The following WDFY2 variants were observed in gnomAD, a reference collection of about 807,000 sequenced individuals.
WDFY2 encodes the protein WD repeat and FYVE domain-containing protein 2.
In WDFY2, 36 loss-of-function variants were observed where a neutral mutation model predicts 56.4. The ratio of observed to expected loss-of-function variants is 0.64; its 90% confidence interval spans 0.49 to 0.84. WDFY2 has a LOEUF of 0.84. Ranked by LOEUF, WDFY2 falls within the 40% of genes least tolerant of loss-of-function variation. The pLI is 0.00. For missense variants in WDFY2, 444 were observed against 512.2 expected (o/e 0.87, Z 1.29); for synonymous variants, 176 against 183.7 (o/e 0.96, Z 0.34).
chr13:51,683,032 A>G (rs534396570), intron 3 of WDFY2, among the ~76,000 whole-genome samples: 1 of 152,242 alleles, frequency 6.6e-6, no homozygotes, highest in Admixed American at 6.5e-5. Flanking sequence ...TTTCTTATCC[A>G]AGTTGTTGCC....
intron 7 of WDFY2, among the ~76,000 whole-genome samples, chr13:51,746,005 C>T (rs1396530506): frequency 9.6e-4 from 113 of 117,252 alleles, no homozygotes; most frequent in Admixed American, 6.9e-4. Context: ...GAGACAGAGT[C>T]TCGCTGTGTC....
chr13:51,744,218 A>C (rs575565454), intron 7 of WDFY2, among the ~76,000 whole-genome samples: 34 of 152,354 alleles, frequency 2.2e-4, no homozygotes, highest in African/African-American at 8.2e-4. Context: ...AAGCATAATT[A>C]ATTAGATGCC....
chr13:51,720,003 A>G (rs1397581115), intron 5 of WDFY2, among the ~76,000 whole-genome samples: 1 of 152,190 alleles, frequency 6.6e-6, no homozygotes, highest in Non-Finnish European at 1.5e-5. Context: ...CAAGCACAGT[A>G]TTGACTAGTG....
intron 6 of WDFY2, among the ~76,000 whole-genome samples, chr13:51,732,184 G>A (rs1328881829): frequency 6.6e-6 from 1 of 152,094 alleles, no homozygotes; most frequent in African/African-American, 2.4e-5. Flanking sequence ...AGGCTGGAGT[G>A]CAGTGGCATG....
chr13:51,654,223 C>T (rs796997671), intron 1 of WDFY2, among the ~76,000 whole-genome samples: 1 of 152,234 alleles, frequency 6.6e-6, no homozygotes, highest in Non-Finnish European at 1.5e-5. Context: ...ATACAATCTC[C>T]TAGTGTGCCG....
At chr13:51,648,956 A>G (rs1955313769) in intron 1 of WDFY2, among the ~76,000 whole-genome samples, 1 of 152,090 alleles carries the variant, frequency 6.6e-6, no homozygotes, top group South Asian at 2.1e-4. Flanking sequence ...AGACCAGCCA[A>G]GCCAATATGG....
intron 1 of WDFY2, among the ~76,000 whole-genome samples, chr13:51,658,423 C>G (rs929663559): frequency 1.3e-5 from 2 of 152,202 alleles, no homozygotes; most frequent in African/African-American, 4.8e-5. Flanking sequence ...AAACACACCC[C>G]CTACAAACTG....
chr13:51,749,641 T>C (rs1355874986), intron 7 of WDFY2, among the ~76,000 whole-genome samples: 1 of 152,106 alleles, frequency 6.6e-6, no homozygotes, highest in Non-Finnish European at 1.5e-5. Flanking sequence ...AACTCCTGTA[T>C]TGACACAACT....
At chr13:51,612,605 A>G (rs997815202) in intron 1 of WDFY2, among the ~76,000 whole-genome samples, 2 of 152,242 alleles carry the variant, frequency 1.3e-5, no homozygotes, top group African/African-American at 4.8e-5. Context: ...GATATAGTCC[A>G]TTTGTAAAAG....
intron 1 of WDFY2, among the ~76,000 whole-genome samples, chr13:51,613,702 G>C (rs1339239883): frequency 6.6e-6 from 1 of 151,818 alleles, no homozygotes; most frequent in East Asian, 1.9e-4. Context: ...TCGTGGAAAA[G>C]TCTTAGATGC....
rs59372497 is a variant in WDFY2 at position 51,622,853 on chromosome 13, CTTTTTTTTTTT to C, written c.138-37731_138-37721del. Among the ~76,000 whole-genome samples, 19 of 130,962 alleles carry C rather than the reference CTTTTTTTTTTT, an allele frequency of 1.5e-4. No homozygotes were observed. In the East Asian group the frequency reaches 3.4e-3, roughly 24 times the overall value. The allele number at this position is 130,962 out of a possible 152,430, so 85.9% of individuals were successfully genotyped here. ...AAGTGAAGGTATGCTTAACTTTACACTTTTTTTTTTTTTTTTTTTTTTGAGATAGAGTCTAG... is the reference window on the plus strand; with the variant it reads ...AAGTGAAGGTATGCTTAACTTTACACTTTTTTTTTTTGAGATAGAGTCTAG... On this transcript the variant is annotated intron_variant, in intron 1 of 11. Transcript: ENST00000298125.
intron 1 of WDFY2, among the ~76,000 whole-genome samples, chr13:51,629,530 T>C (rs1954908995): frequency 6.6e-6 from 1 of 152,202 alleles, no homozygotes; most frequent in Non-Finnish European, 1.5e-5. Flanking sequence ...TATTCAGTAA[T>C]ATAAATGAAA....
At chr13:51,712,159 A>T (rs1223714505) in intron 4 of WDFY2, among the ~76,000 whole-genome samples, 1 of 152,250 alleles carries the variant, frequency 6.6e-6, no homozygotes, top group Non-Finnish European at 1.5e-5. Flanking sequence ...GACATGGATG[A>T]AGCTGGAAAC....
chr13:51,606,833 A>G (rs1242897791), intron 1 of WDFY2, among the ~76,000 whole-genome samples: 1 of 152,162 alleles, frequency 6.6e-6, no homozygotes, highest in East Asian at 1.9e-4. Context: ...GCCTATCTAA[A>G]TAACAAAATA....
chr13:51,732,639 T>G (rs1264165500), intron 6 of WDFY2, among the ~76,000 whole-genome samples: 3 of 152,196 alleles, frequency 2.0e-5, no homozygotes, highest in Admixed American at 2.0e-4. Context: ...CAAGAATAAC[T>G]AAACAAACTA....
intron 1 of WDFY2, chr13:51,594,084 A>G (rs1163972831): frequency 6.6e-6 from 1 of 152,178 alleles, no homozygotes; most frequent in African/African-American, 2.4e-5. Flanking sequence ...TGAGGTCACT[A>G]TATTGGTGTC....
chr13:51,615,230 A>G (rs1054745339), intron 1 of WDFY2, among the ~76,000 whole-genome samples: 2 of 152,198 alleles, frequency 1.3e-5, no homozygotes, highest in Non-Finnish European at 2.9e-5. Flanking sequence ...AAAGCCTCAA[A>G]TAATATAAAA....
chr13:51,707,913 GA>G (rs1321144782), intron 4 of WDFY2, among the ~76,000 whole-genome samples: 2 of 127,494 alleles, frequency 1.6e-5, no homozygotes, highest in African/African-American at 5.9e-5. Context: ...GTAAGTTAAA[GA>G]TATATACTAT....
intron 1 of WDFY2, among the ~76,000 whole-genome samples, chr13:51,641,206 G>A (rs892555382): frequency 3.3e-5 from 5 of 151,924 alleles, no homozygotes; most frequent in Admixed American, 2.0e-4. Flanking sequence ...CCGAGTAGCT[G>A]GGATTATAGG....
Sources: gnomAD v4.1 joint callset for allele counts (sites outside exome capture counted in the v4.1 genomes callset) on GRCh38, gnomAD v4.1.1 for gene constraint, MANE v1.5 for transcripts, NCBI Gene and HGNC (gene_info 2026-07-23, HGNC 2026-07-21) for gene names.